The following HAO1 variants were observed in gnomAD, a reference collection of about 807,000 sequenced individuals.
HAO1 encodes the protein 2-Hydroxyacid oxidase 1.
In HAO1, 34 loss-of-function variants were observed where a neutral mutation model predicts 39.7. The ratio of observed to expected loss-of-function variants is 0.86; its 90% confidence interval spans 0.65 to 1.14. The LOEUF (loss-of-function observed/expected upper bound fraction) is 1.14, where lower values mean the gene tolerates loss of function less well. Ranked by LOEUF, HAO1 falls within the 50% of genes most tolerant of loss-of-function variation. The pLI is 0.00. For missense variants in HAO1, 479 were observed against 464.5 expected (o/e 1.03, Z -0.29); for synonymous variants, 172 against 173.2 (o/e 0.99, Z 0.05).
intron 7 of HAO1, among the ~76,000 whole-genome samples, chr20:7,884,063 C>A (rs927106614): frequency 3.3e-5 from 5 of 152,110 alleles, no homozygotes; most frequent in Admixed American, 2.6e-4. Flanking sequence ...TGGGAACAAT[C>A]CAGATGATAT....
intron 2 of HAO1, among the ~76,000 whole-genome samples, chr20:7,915,015 G>A (rs2050300305): frequency 6.6e-6 from 1 of 152,154 alleles, no homozygotes; most frequent in African/African-American, 2.4e-5. Context: ...AGCTACTCAG[G>A]AGGCTGAGGC....
At chr20:7,902,920 A>G (rs773577845) in intron 4 of HAO1, among the ~76,000 whole-genome samples, 1 of 152,232 alleles carries the variant, frequency 6.6e-6, no homozygotes, top group Non-Finnish European at 1.5e-5. Flanking sequence ...AATTATTAAA[A>G]TGGTGAGACA....
intron 7 of HAO1, among the ~76,000 whole-genome samples, 163 bp from the exon 8 acceptor site, chr20:7,883,826 A>T (rs2050139071): frequency 6.6e-6 from 1 of 152,238 alleles, no homozygotes; most frequent in African/African-American, 2.4e-5. Flanking sequence ...TTACCTAAAC[A>T]GTCCTTAACA....
At chr20:7,887,429 T>C (rs1383345123) in intron 5 of HAO1, among the ~76,000 whole-genome samples, 2 of 152,174 alleles carry the variant, frequency 1.3e-5, no homozygotes, top group Admixed American at 6.5e-5. Flanking sequence ...GGCTACAGAT[T>C]GGAAGGAAGT....
Position 7,885,726 on chromosome 20 carries a change from C to T in HAO1, c.952G>A (p.Val318Ile), listed in dbSNP as rs751134577. The T allele has an allele frequency of 2.2e-5, 35 of 1,613,328 alleles. No individual in the cohort carries two copies. The African/African-American group carries it at 2.4e-4, about 11-fold the overall frequency. ...GTTACCTGGAAAGCTAAGCCCCAAA[C>T]GATTGGTCTCCCCACAAACACAGCC... Reference protein sequence around the residue: ...AKAVFVGRPIVWGLAFQGEKG... With the variant: ...AKAVFVGRPIIWGLAFQGEKG... The change falls in exon 6 of 8, where the codon GTT (valine) becomes ATT (isoleucine). Residue 318 changes from valine (V) to isoleucine (I), a missense_variant. Val to Ile is a conservative substitution (Grantham distance 29, BLOSUM62 3). Transcript: ENST00000378789.
intron 4 of HAO1, among the ~76,000 whole-genome samples, chr20:7,903,806 T>C (rs2050234041): frequency 7.8e-6 from 1 of 128,764 alleles, no homozygotes; most frequent in Non-Finnish European, 1.6e-5. Context: ...ATAGCAGTGG[T>C]GGTGGGTGGC....
At chr20:7,920,617 T>A (rs1305668903) in intron 2 of HAO1, among the ~76,000 whole-genome samples, 2 of 152,166 alleles carry the variant, frequency 1.3e-5, no homozygotes, top group African/African-American at 4.8e-5. Flanking sequence ...GCCACCTTTT[T>A]ATGATCTGTT....
At chr20:7,930,430 ACT>A (rs563818675) in intron 2 of HAO1, among the ~76,000 whole-genome samples, 15 of 152,188 alleles carry the variant, frequency 9.9e-5, no homozygotes, top group Non-Finnish European at 2.1e-4. Context: ...ATATTCTTAC[ACT>A]GTTACTTAAA....
At chr20:7,888,928 A>G (rs955072526) in intron 5 of HAO1, among the ~76,000 whole-genome samples, 1 of 152,122 alleles carries the variant, frequency 6.6e-6, no homozygotes, top group Non-Finnish European at 1.5e-5. Flanking sequence ...GATGTGAGAC[A>G]ATGCAGAGCC....
At chr20:7,888,142 C>T (rs1018973925) in intron 5 of HAO1, among the ~76,000 whole-genome samples, 1 of 152,090 alleles carries the variant, frequency 6.6e-6, no homozygotes, top group Admixed American at 6.6e-5. Context: ...ATGGTAAGAT[C>T]CCTGTATACT....
chr20:7,909,509 G>T (rs1395777214), intron 3 of HAO1, among the ~76,000 whole-genome samples: 1 of 150,042 alleles, frequency 6.7e-6, no homozygotes, highest in African/African-American at 2.4e-5. Context: ...TCCAAATCCT[G>T]ATCTGTTTAA....
intron 2 of HAO1, among the ~76,000 whole-genome samples, chr20:7,920,755 T>A (rs1163695779): frequency 6.6e-6 from 1 of 152,160 alleles, no homozygotes; most frequent in Non-Finnish European, 1.5e-5. Context: ...ATACACCTCA[T>A]TCTTTATCCA....
At chr20:7,885,401 C>A (rs1364492695) in intron 7 of HAO1, 120 bp downstream of exon 7, 1 of 695,200 alleles carries the variant, frequency 1.4e-6, no homozygotes, top group Non-Finnish European at 2.5e-6. Flanking sequence ...GAGTCAACGT[C>A]AAATTTAATG....
intron 3 of HAO1, among the ~76,000 whole-genome samples, chr20:7,908,322 G>A (rs2050258523): frequency 6.6e-6 from 1 of 150,476 alleles, no homozygotes; most frequent in South Asian, 2.1e-4. Flanking sequence ...AACCCGGGAG[G>A]CGAGGTTGCA....
chr20:7,888,729 T>A (rs1044762570), intron 5 of HAO1, among the ~76,000 whole-genome samples: 2 of 152,152 alleles, frequency 1.3e-5, no homozygotes, highest in Non-Finnish European at 2.9e-5. Flanking sequence ...CCTTGCAACA[T>A]TATGGGAGAA....
chr20:7,926,524 G>A (rs2050360075), intron 2 of HAO1, among the ~76,000 whole-genome samples: 1 of 152,148 alleles, frequency 6.6e-6, no homozygotes, highest in Non-Finnish European at 1.5e-5. Flanking sequence ...TGGGTTTAGA[G>A]CAAAGGAAAT....
chr20:7,921,621 A>T (rs577428881), intron 2 of HAO1, among the ~76,000 whole-genome samples: 9 of 152,118 alleles, frequency 5.9e-5, no homozygotes, highest in Non-Finnish European at 1.2e-4. Context: ...CCCAAAGGAC[A>T]ATAAGTCATT....
At chr20:7,905,700 C>T (rs905397818) in intron 4 of HAO1, among the ~76,000 whole-genome samples, 1 of 152,134 alleles carries the variant, frequency 6.6e-6, no homozygotes, top group Non-Finnish European at 1.5e-5. Flanking sequence ...TGACCACACT[C>T]AAAAACTAGT....
rs190810085 is a variant in HAO1, at chr20:7,916,387, T to C, written c.290-1968A>G. Reference sequence around the variant, plus strand: ...CATCAAATGGGTATAAATATACTTGTCCAAATGACACTCACAGGATGTTGA... The same window carrying C: ...CATCAAATGGGTATAAATATACTTGCCCAAATGACACTCACAGGATGTTGA... On this transcript the variant is annotated intron_variant, in intron 2 of 7. Transcript: ENST00000378789. Among the ~76,000 whole-genome samples, 1,430 of 152,316 alleles carry C rather than the reference T, an allele frequency of 9.4e-3. 17 individuals are homozygous for C. The highest frequency in any genetic ancestry group is 0.032 in the African/African-American group (1,328 of 41,574).
Sources: gnomAD v4.1 joint callset for allele counts (sites outside exome capture counted in the v4.1 genomes callset) on GRCh38, gnomAD v4.1.1 for gene constraint, MANE v1.5 for transcripts, NCBI Gene and HGNC (gene_info 2026-07-23, HGNC 2026-07-21) for gene names.